PRDM11: variants seen among roughly 807,000 people sequenced by gnomAD.
The protein encoded by PRDM11 is PR domain-containing protein 11.
In PRDM11, 20 loss-of-function variants were observed where a neutral mutation model predicts 97.8. That is an observed-to-expected ratio of 0.20 (90% CI 0.14 to 0.30). The LOEUF (loss-of-function observed/expected upper bound fraction) is 0.30. PRDM11 is among the 10% of genes least tolerant of loss of function. The pLI, the probability that PRDM11 is intolerant of heterozygous loss-of-function variation, is 1.00. For synonymous variants in PRDM11, 599 were observed against 637.7 expected, an observed-to-expected ratio of 0.94 and a Z score of 0.91; for missense variants, 1,139 against 1,555.2, an observed-to-expected ratio of 0.73 and a Z score of 4.50.
chr11:45,182,190 G>C, intron 2 of PRDM11, 56 bp from the exon 3 acceptor site: 2 of 1,508,868 alleles, frequency 1.3e-6, no homozygotes, highest in Non-Finnish European at 1.8e-6. Context: ...GTCCCCACTG[G>C]GCTCTCACTC....
chr11:45,102,462 C>T (rs911424556), intron 1 of PRDM11, among the ~76,000 whole-genome samples: 47 of 152,184 alleles, frequency 3.1e-4, no homozygotes, highest in African/African-American at 1.1e-3. Flanking sequence ...TCCCTGGGGC[C>T]GGCATGAGGG....
At position 45,228,153 on chromosome 11, in the gene PRDM11, C is replaced by T. The variant is rs1419583075; in HGVS notation, c.3528C>T (p.Asp1176=). The T allele has an allele frequency of 6.6e-7, 1 of 1,518,792 alleles. No individual in the cohort carries two copies. Among genetic ancestry groups the T allele is most frequent in the African/African-American group, 1.4e-5 (1 of 72,368 alleles). 94.1% of individuals were successfully genotyped at this position (1,518,792 alleles called of 1,614,324 possible). A position where few individuals can be genotyped will look rare whatever the true frequency, so the allele number is the denominator to read the frequency against. The change falls in exon 8 of 8, where the codon GAC becomes GAT. Residue 1176 remains aspartate, a synonymous_variant. Transcript: ENST00000683152. The part of the protein sequence containing the change: ...TMDHGTEFYP[D]I ...ACCACGGGACGGAGTTTTACCCCGA[C>T]ATTTAGGGAGCTGGCGCTGCAGAGT...
intron 1 of PRDM11, among the ~76,000 whole-genome samples, chr11:45,173,003 A>G (rs1715735917): frequency 6.6e-6 from 1 of 152,154 alleles, no homozygotes; most frequent in African/African-American, 2.4e-5. Context: ...TTCTCCTTCT[A>G]GTCATGAAAT....
chr11:45,163,076 T>C (rs1052917147), intron 1 of PRDM11, among the ~76,000 whole-genome samples: 1 of 152,144 alleles, frequency 6.6e-6, no homozygotes, highest in Admixed American at 6.5e-5. Flanking sequence ...GAGTGGGTGG[T>C]ACTGCTCCCA....
At chr11:45,211,806 A>G (rs1298900869) in intron 5 of PRDM11, among the ~76,000 whole-genome samples, 2 of 151,796 alleles carry the variant, frequency 1.3e-5, no homozygotes, top group Non-Finnish European at 2.9e-5. Flanking sequence ...TGCTTGGGTC[A>G]TGGGTGCACC....
At chr11:45,145,044 G>A (rs61089398), upstream of PRDM11, among the ~76,000 whole-genome samples, 2,137 of 152,012 alleles carry the variant, frequency 0.014, 47 homozygotes, top group African/African-American at 0.05. Flanking sequence ...GAAATACTCA[G>A]GAAACTTACA....
At chr11:45,136,839 T>A (rs988118158) in intron 1 of PRDM11, among the ~76,000 whole-genome samples, 2 of 151,948 alleles carry the variant, frequency 1.3e-5, no homozygotes, top group African/African-American at 4.8e-5. Flanking sequence ...GGTGGGAAAC[T>A]GCTGAATCAA....
chr11:45,227,576 A>G lies in PRDM11; in HGVS notation c.2951A>G (p.Lys984Arg). 1 of 1,533,890 alleles carries G rather than the reference A, an allele frequency of 6.5e-7. No homozygotes were observed. The highest frequency in any genetic ancestry group is 2.4e-5 in the East Asian group (1 of 40,896). The change falls in exon 8 of 8, where the codon AAG (lysine) becomes AGG (arginine). Residue 984 changes from lysine (K) to arginine (R), a missense_variant. Coordinates refer to ENST00000683152, the MANE Select transcript of PRDM11 (RefSeq NM_001384648.1). This position sits in a 1 kb window ranked among gnomAD's most constrained non-coding sequence, Gnocchi z 8.0. Reference protein sequence around the residue: ...RFDSRSRIFVKACQVFDLAAW... With the variant: ...RFDSRSRIFVRACQVFDLAAW... Reference sequence around the variant, plus strand: ...GACTCCCGCAGCCGGATCTTTGTGAAGGCCTGCCAGGTGTTTGACCTGGCT... The same window carrying G: ...GACTCCCGCAGCCGGATCTTTGTGAGGGCCTGCCAGGTGTTTGACCTGGCT...
chr11:45,194,886 C>A (rs1460812809), intron 4 of PRDM11, among the ~76,000 whole-genome samples: 1 of 152,246 alleles, frequency 6.6e-6, no homozygotes, highest in Non-Finnish European at 1.5e-5. Flanking sequence ...GCGTGAGCCA[C>A]CGCGCCCGGC....
intron 1 of PRDM11, among the ~76,000 whole-genome samples, chr11:45,155,681 G>A (rs1851776406): frequency 6.6e-6 from 1 of 151,962 alleles, no homozygotes; most frequent in Non-Finnish European, 1.5e-5. Flanking sequence ...CTTAGCCTGA[G>A]GGAGGCAGAG....
At chr11:45,171,078 T>TTGTTGTTG (rs1852191326) in intron 1 of PRDM11, among the ~76,000 whole-genome samples, 1 of 151,690 alleles carries the variant, frequency 6.6e-6, no homozygotes, top group South Asian at 2.1e-4. Context: ...TATGGGTTTT[T>TTGTTGTTG]TGTTGTTGTT....
rs1854284004 is a variant in PRDM11, at chr11:45,226,735, A to G, written c.2110A>G (p.Ser704Gly). 1 of 1,533,848 alleles carries G rather than the reference A, an allele frequency of 6.5e-7. No homozygotes were observed. Among genetic ancestry groups the G allele is most frequent in the African/African-American group, 1.4e-5 (1 of 72,974 alleles). ...GGAGCTGGGATTCTCTAGCACAGAAAGCTATCTCCAGGCACTTGACCGGGC... is the reference window on the plus strand; with the variant it reads ...GGAGCTGGGATTCTCTAGCACAGAAGGCTATCTCCAGGCACTTGACCGGGC... ...LQELGFSSTESYLQALDRAFS... is the reference protein window; with the variant it reads ...LQELGFSSTEGYLQALDRAFS... The change falls in exon 8 of 8, where the codon AGC becomes GGC. Residue 704 changes from serine (S) to glycine (G), a missense_variant. Coordinates refer to ENST00000683152, the MANE Select transcript of PRDM11 (RefSeq NM_001384648.1).
intron 1 of PRDM11, among the ~76,000 whole-genome samples, chr11:45,180,886 G>A (rs1012956418): frequency 1.3e-5 from 2 of 151,874 alleles, no homozygotes; most frequent in African/African-American, 2.4e-5. Context: ...CTGGCTCGGA[G>A]GAGGGGGCAG....
intron 1 of PRDM11, among the ~76,000 whole-genome samples, chr11:45,130,341 T>C (rs1303131976): frequency 1.3e-5 from 2 of 152,106 alleles, no homozygotes; most frequent in Non-Finnish European, 1.5e-5. Context: ...GGATAAGATA[T>C]TGGCAATACA....
At chr11:45,114,771 G>A (rs1348635151) in intron 1 of PRDM11, among the ~76,000 whole-genome samples, 2 of 151,784 alleles carry the variant, frequency 1.3e-5, no homozygotes, top group African/African-American at 4.8e-5. Context: ...TATCATCAGA[G>A]ACAATAGAAG....
chr11:45,197,418 T>C (rs1161125439), intron 4 of PRDM11, among the ~76,000 whole-genome samples: 1 of 152,190 alleles, frequency 6.6e-6, no homozygotes, highest in Admixed American at 6.5e-5. Flanking sequence ...CCCAGAGATC[T>C]ACTGTACAGC....
At chr11:45,195,818 C>T (rs1442965724) in intron 4 of PRDM11, among the ~76,000 whole-genome samples, 1 of 152,048 alleles carries the variant, frequency 6.6e-6, no homozygotes, top group African/African-American at 2.4e-5. Flanking sequence ...TCAAGTGATC[C>T]ACCCACCTTG....
intron 1 of PRDM11, among the ~76,000 whole-genome samples, chr11:45,108,614 G>C (rs928424071): frequency 7.2e-5 from 11 of 152,146 alleles, no homozygotes; most frequent in Admixed American, 2.6e-4. Flanking sequence ...CCTCATGGTG[G>C]GGCCTCACTC....
chr11:45,134,317 C>T (rs150807297), intron 1 of PRDM11, among the ~76,000 whole-genome samples: 31 of 152,140 alleles, frequency 2.0e-4, no homozygotes, highest in African/African-American at 6.7e-4. Flanking sequence ...GCGTACTCCC[C>T]GACAAAATAA....
Sources: allele counts gnomAD v4.1 joint callset (sites outside exome capture counted in the v4.1 genomes callset), GRCh38; gene constraint gnomAD v4.1.1; non-coding constraint Gnocchi (gnomAD v3.1); transcripts MANE v1.5; gene names NCBI Gene and HGNC (gene_info 2026-07-23, HGNC 2026-07-21).